DRC9: variants seen among roughly 807,000 people sequenced by gnomAD.
DRC9 encodes the protein dynein regulatory complex protein 9.
chr3:197,955,760 C>T, the DRC9 span: 1 of 1,605,834 alleles, frequency 6.2e-7, no homozygotes, highest in Non-Finnish European at 8.5e-7. Context: ...ATGCTGTACC[C>T]CTCAAGGATT....
chr3:197,907,011 G>A, the DRC9 span, among the ~76,000 whole-genome samples: 35 of 152,122 alleles, frequency 2.3e-4, no homozygotes, highest in South Asian at 1.0e-3. Context: ...CATCTCTGCC[G>A]CCCTTCGTGG....
the DRC9 span, chr3:197,950,819 A>T: frequency 1.2e-6 from 1 of 847,380 alleles, no homozygotes; most frequent in Admixed American, 2.3e-5. Flanking sequence ...GTTGTCCCCG[A>T]ACTCCTACAT....
At chr3:197,909,899 G>C in the DRC9 span, among the ~76,000 whole-genome samples, 1 of 152,110 alleles carries the variant, frequency 6.6e-6, no homozygotes, top group Non-Finnish European at 1.5e-5. Context: ...AGGCTGGCAG[G>C]AGAATCACTT....
chr3:197,936,376 T>C, the DRC9 span, among the ~76,000 whole-genome samples: 1 of 151,420 alleles, frequency 6.6e-6, no homozygotes, highest in East Asian at 1.9e-4. Context: ...GCTTTTTAAG[T>C]TTTTTTTTGA....
the DRC9 span, chr3:197,889,711 G>A: frequency 6.2e-7 from 1 of 1,614,132 alleles, no homozygotes; most frequent in Non-Finnish European, 8.5e-7. Context: ...CACCAGGCCT[G>A]GAGCTGGAAG....
the DRC9 span, among the ~76,000 whole-genome samples, chr3:197,903,979 C>T: frequency 6.9e-6 from 1 of 144,450 alleles, no homozygotes; most frequent in South Asian, 2.1e-4. Flanking sequence ...TACATACATA[C>T]ATACACACAC....
chr3:197,956,737 C>T, the DRC9 span: 2 of 151,900 alleles, frequency 1.3e-5, no homozygotes, highest in Non-Finnish European at 2.9e-5. Context: ...TCAGGCAAAC[C>T]TCCTGCCTCA....
the DRC9 span, among the ~76,000 whole-genome samples, chr3:197,934,912 A>G: frequency 6.6e-6 from 1 of 151,342 alleles, no homozygotes; most frequent in African/African-American, 2.4e-5. Flanking sequence ...TTGAGGCTGT[A>G]GTGAGTCATG....
At chr3:197,953,477 C>A in the DRC9 span, 3 of 456,722 alleles carry the variant, frequency 6.6e-6, no homozygotes, top group Non-Finnish European at 8.8e-6. Flanking sequence ...CCATAATTCT[C>A]TTTATCTCAG....
At chr3:197,903,016 G>A in the DRC9 span, among the ~76,000 whole-genome samples, 4 of 152,030 alleles carry the variant, frequency 2.6e-5, no homozygotes, top group East Asian at 7.7e-4. Context: ...GAACCCAGAA[G>A]CAAATCAATA....
chr3:197,891,907 A>G, the DRC9 span, among the ~76,000 whole-genome samples: 1 of 152,118 alleles, frequency 6.6e-6, no homozygotes, highest in Non-Finnish European at 1.5e-5. Context: ...TTGTTTTGAG[A>G]CAGAGTCTCA....
chr3:197,912,663 G>A, the DRC9 span: 1 of 1,607,024 alleles, frequency 6.2e-7, no homozygotes, highest in South Asian at 1.1e-5. Flanking sequence ...TAGAAAAGCT[G>A]TGGGGACCCA....
At chr3:197,945,301 C>T in the DRC9 span, among the ~76,000 whole-genome samples, 11 of 152,250 alleles carry the variant, frequency 7.2e-5, no homozygotes, top group South Asian at 1.7e-3. Flanking sequence ...GGCCTCTTGC[C>T]GGCAGCCTGC....
chr3:197,950,385 G>A, the DRC9 span: 21 of 1,188,504 alleles, frequency 1.8e-5, no homozygotes, highest in African/African-American at 2.8e-4. Context: ...TGGGCTGATG[G>A]TGTTTGGTCC....
the DRC9 span, among the ~76,000 whole-genome samples, chr3:197,904,688 C>T: frequency 1.3e-5 from 2 of 151,876 alleles, no homozygotes; most frequent in South Asian, 2.1e-4. Context: ...TGGAGAAACC[C>T]CATCTTTACT....
chr3:197,910,738 G>C, the DRC9 span, among the ~76,000 whole-genome samples: 3 of 152,174 alleles, frequency 2.0e-5, no homozygotes, highest in Non-Finnish European at 4.4e-5. Flanking sequence ...CCAGCACTTT[G>C]GGAGGCCGAG....
At chr3:197,954,792 G>C in the DRC9 span, among the ~76,000 whole-genome samples, 1 of 152,166 alleles carries the variant, frequency 6.6e-6, no homozygotes, top group African/African-American at 2.4e-5. Context: ...ATATGCTTGA[G>C]CCACCACAGC....
chr3:197,915,057 G>A, the DRC9 span, among the ~76,000 whole-genome samples: 2 of 151,282 alleles, frequency 1.3e-5, no homozygotes, highest in Non-Finnish European at 1.5e-5. Context: ...CCAGCTACTC[G>A]GGAGGCTGAG....
At chr3:197,946,201 C>A in the DRC9 span, among the ~76,000 whole-genome samples, 196 of 152,044 alleles carry the variant, frequency 1.3e-3, no homozygotes, top group African/African-American at 4.6e-3. Context: ...TCTGGGAGGC[C>A]GAGGCAGGCG....
Sources: gnomAD v4.1 joint callset for allele counts (sites outside exome capture counted in the v4.1 genomes callset) on GRCh38, gnomAD v4.1.1 for gene constraint, MANE v1.5 for transcripts, NCBI Gene and HGNC (gene_info 2026-07-23, HGNC 2026-07-21) for gene names.